The following RNF20 variants were observed in gnomAD, a reference collection of about 807,000 sequenced individuals.
The protein encoded by RNF20 is ring finger protein 20.
In RNF20, 84 loss-of-function variants were observed where a neutral mutation model predicts 126.2. The ratio of observed to expected loss-of-function variants is 0.67; its 90% CI spans 0.56 to 0.80. The LOEUF is 0.80. RNF20 is among the 30% of genes least tolerant of loss of function. RNF20 has a pLI of 0.00. For synonymous variants in RNF20, 400 were observed against 414.3 expected, an observed-to-expected ratio of 0.97 and a Z score of 0.42; for missense variants, 869 against 1,188.2, an observed-to-expected ratio of 0.73 and a Z score of 3.95.
intron 5 of RNF20, among the ~76,000 whole-genome samples, chr9:101,541,751 A>G (rs1298385315): frequency 6.6e-6 from 1 of 152,168 alleles, no homozygotes; most frequent in Admixed American, 6.5e-5. Context: ...TTTTAAAAAG[A>G]GTTGGTGCAG....
chr9:101,556,723 A>C (rs1827540846), intron 15 of RNF20, among the ~76,000 whole-genome samples: 1 of 152,188 alleles, frequency 6.6e-6, no homozygotes, highest in South Asian at 2.1e-4. Context: ...TGCAAAAAAC[A>C]CTGTTAGCAA....
At chr9:101,541,207 C>T (rs1827255495) in intron 5 of RNF20, among the ~76,000 whole-genome samples, 2 of 152,160 alleles carry the variant, frequency 1.3e-5, no homozygotes, top group South Asian at 4.1e-4. Context: ...ATAGCTAGGA[C>T]TATAGGCACG....
chr9:101,540,672 T>C (rs376380494), intron 4 of RNF20, 35 bp downstream of exon 4: 84 of 1,608,370 alleles, frequency 5.2e-5, no homozygotes, highest in Non-Finnish European at 6.8e-5. Context: ...CACTGCATGC[T>C]ATCTGGGTTT....
chr9:101,543,168 TAGGCCTTCTAGAGTAAGGTA>T (rs751537129), intron 5 of RNF20, among the ~76,000 whole-genome samples: 7 of 152,232 alleles, frequency 4.6e-5, no homozygotes, highest in African/African-American at 1.4e-4. Context: ...TATGATATGA[TAGGCCTTCTAGAGTAAGGTA>T]AGGCCTTCTA....
intron 16 of RNF20, among the ~76,000 whole-genome samples, chr9:101,560,259 T>C (rs566834028): frequency 6.6e-6 from 1 of 152,322 alleles, no homozygotes; most frequent in Admixed American, 6.5e-5. Flanking sequence ...CACTTGATCA[T>C]GGTGGACTAT....
At chr9:101,550,880 C>T in intron 10 of RNF20, 95 bp downstream of exon 10, 1 of 1,121,490 alleles carries the variant, frequency 8.9e-7, no homozygotes, top group Non-Finnish European at 1.4e-6. Context: ...CTCATTCATT[C>T]AGCTGTCATT....
rs1333502770 is a variant in RNF20 at position 101,544,685 on chromosome 9, C to T, written c.629-82C>T. The stretch of plus-strand genomic sequence containing the variant: ...TCGCGCCACTGTACTCCAGCCTGGG[C>T]GATAGAGCAAGACTCCGTCTTAAAA... On this transcript the variant is annotated intron_variant, in intron 5 of 19. Transcript: ENST00000389120. 1.5e-5 allele frequency: 14 copies of T among 920,876 alleles called. 1 individual carries two copies. The highest frequency in any genetic ancestry group is 5.5e-5 in the South Asian group (4 of 72,856). The allele number at this position is 920,876 out of a possible 1,614,324, so 57.0% of individuals were successfully genotyped here. A position where few individuals can be genotyped will look rare whatever the true frequency, so the allele number is the denominator to read the frequency against.
intron 9 of RNF20, among the ~76,000 whole-genome samples, chr9:101,548,652 G>T (rs1437349387): frequency 6.6e-6 from 1 of 152,110 alleles, no homozygotes; most frequent in Non-Finnish European, 1.5e-5. Flanking sequence ...GTTAAGTTTT[G>T]TTGATATATC....
chr9:101,538,426 G>A lies in RNF20; in HGVS notation c.130-1777G>A, dbSNP rs570915991. Among the ~76,000 whole-genome samples the A allele has an allele frequency of 3.0e-4, 45 of 152,216 alleles. No homozygotes were observed. In the South Asian group the frequency reaches 8.9e-3, roughly 30 times the overall value. On this transcript the variant is annotated intron_variant, in intron 2 of 19. Transcript: ENST00000389120. Reference sequence around the variant, plus strand: ...ACAGATGAATTCAACAGAGCATGGCGGCAGGTGGTATAGGCTAATGGCATG... The same window carrying A: ...ACAGATGAATTCAACAGAGCATGGCAGCAGGTGGTATAGGCTAATGGCATG...
At position 101,560,781 on chromosome 9, in the gene RNF20, A is replaced by G. The variant is rs761198310; in HGVS notation, c.2383-20A>G. ...TTTTAATCTTTTCATTTGTGTTAAA[A>G]TCTGATTTTCTGTTCAAAGGTTGAT... On this transcript the variant is annotated intron_variant, in intron 16 of 19. Coordinates refer to ENST00000389120, the MANE Select transcript of RNF20 (RefSeq NM_019592.7). The G allele has an allele frequency of 1.3e-6, 2 of 1,587,740 alleles. No individual in the cohort carries two copies. Among genetic ancestry groups the G allele is most frequent in the South Asian group, 1.2e-5 (1 of 85,824 alleles).
At chr9:101,541,358 G>T (rs1375737561) in intron 5 of RNF20, among the ~76,000 whole-genome samples, 1 of 152,210 alleles carries the variant, frequency 6.6e-6, no homozygotes, top group Non-Finnish European at 1.5e-5. Flanking sequence ...ATGAGCCACT[G>T]TGCCTGGACT....
chr9:101,554,015 G>A lies in RNF20; in HGVS notation c.1929G>A (p.Met643Ile). The A allele has an allele frequency of 6.2e-7, 1 of 1,613,238 alleles. No homozygotes were observed. The highest frequency in any genetic ancestry group is 8.5e-7 in the Non-Finnish European group (1 of 1,179,374). ...AGGCACAGGAGAGCCAAAAGGAGAT[G>A]AAACTATTGCTGGATATGTACCGTT... ...LKKAQESQKE[M>I]KLLLDMYRSA... Residue 643 changes from methionine to isoleucine, a missense_variant, in exon 14 of 20, where the codon ATG (methionine) becomes ATA (isoleucine). Coordinates refer to ENST00000389120, the MANE Select transcript of RNF20 (RefSeq NM_019592.7).
intron 15 of RNF20, among the ~76,000 whole-genome samples, chr9:101,555,390 G>A (rs1271138762): frequency 6.6e-6 from 1 of 151,636 alleles, no homozygotes; most frequent in Non-Finnish European, 1.5e-5. Context: ...GGCTATTTTG[G>A]GGTCATAGAA....
At chr9:101,561,062 G>C in intron 17 of RNF20, 28 bp from the exon 18 acceptor site, 1 of 1,611,106 alleles carries the variant, frequency 6.2e-7, no homozygotes, top group South Asian at 1.1e-5. Context: ...TGATACAATG[G>C]TGTCACTTAT....
At chr9:101,562,067 AGACTG>A in intron 19 of RNF20, 56 bp downstream of exon 19, 1 of 1,359,874 alleles carries the variant, frequency 7.4e-7, no homozygotes, top group Non-Finnish European at 1.0e-6. Flanking sequence ...GTGGCCTAAT[AGACTG>A]GGAGAATAAT....
At position 101,535,422 on chromosome 9, in the gene RNF20, A is replaced by C; in HGVS notation, c.-2A>C. On this transcript the variant is annotated 5_prime_UTR_variant, in exon 2 of 20. Transcript: ENST00000389120. ...GGAAAACGACTGTCTTCTTCTGCCAAAATGTCAGGAATTGGAAATAAAAGA... is the reference window on the plus strand; with the variant it reads ...GGAAAACGACTGTCTTCTTCTGCCACAATGTCAGGAATTGGAAATAAAAGA... 1 of 1,611,954 alleles carries C rather than the reference A, an allele frequency of 6.2e-7. No homozygotes were observed. The highest frequency in any genetic ancestry group is 2.2e-5 in the East Asian group (1 of 44,856).
chr9:101,538,414 A>G (rs1419400707), intron 2 of RNF20, among the ~76,000 whole-genome samples: 1 of 152,192 alleles, frequency 6.6e-6, no homozygotes, highest in Admixed American at 6.5e-5. Context: ...GATGAATTCA[A>G]CAGAGCATGG....
At chr9:101,553,857 A>G (rs1314356411) in intron 13 of RNF20, 131 bp from the exon 14 acceptor site, 3 of 532,938 alleles carry the variant, frequency 5.6e-6, no homozygotes, top group Non-Finnish European at 1.0e-5. Context: ...GCAAAATTTT[A>G]TCTTTTAGGT....
chr9:101,538,976 G>C (rs1337737622), intron 2 of RNF20, among the ~76,000 whole-genome samples: 1 of 152,172 alleles, frequency 6.6e-6, no homozygotes, highest in East Asian at 1.9e-4. Context: ...AATGGAGTGA[G>C]GGTTTTGTAG....
Sources: gnomAD v4.1 joint callset for allele counts (sites outside exome capture counted in the v4.1 genomes callset) on GRCh38, gnomAD v4.1.1 for gene constraint, MANE v1.5 for transcripts, NCBI Gene and HGNC (gene_info 2026-07-23, HGNC 2026-07-21) for gene names.